Variants in ARB2A observed in about 807,000 individuals in gnomAD.
ARB2A encodes cotranscriptional regulator ARB2A.
chr5:93,703,086 T>C, the ARB2A span, among the ~76,000 whole-genome samples: 1 of 152,244 alleles, frequency 6.6e-6, no homozygotes, highest in East Asian at 1.9e-4. Flanking sequence ...AAGGTATAAC[T>C]TGCAAATGTG....
At chr5:93,875,238 CTTT>C in the ARB2A span, among the ~76,000 whole-genome samples, 1 of 146,842 alleles carries the variant, frequency 6.8e-6, no homozygotes. Context: ...TATCGGACTG[CTTT>C]TTTTTTTTGA....
chr5:93,708,787 C>G, the ARB2A span, among the ~76,000 whole-genome samples: 1 of 152,118 alleles, frequency 6.6e-6, no homozygotes, highest in South Asian at 2.1e-4. Flanking sequence ...CATAAACACA[C>G]CACACATATT....
At chr5:93,846,000 G>GACACACAC in the ARB2A span, among the ~76,000 whole-genome samples, 304 of 146,768 alleles carry the variant, frequency 2.1e-3, 2 homozygotes, top group Middle Eastern at 6.9e-3. Flanking sequence ...CTCTCTCTGT[G>GACACACAC]ACACACACAC....
the ARB2A span, among the ~76,000 whole-genome samples, chr5:93,688,566 T>C: frequency 6.6e-6 from 1 of 152,316 alleles, no homozygotes; most frequent in Admixed American, 6.5e-5. Flanking sequence ...TTCATAGTCA[T>C]TTCCTTTTCT....
At chr5:93,646,810 G>C in the ARB2A span, among the ~76,000 whole-genome samples, 1 of 151,762 alleles carries the variant, frequency 6.6e-6, no homozygotes, top group African/African-American at 2.4e-5. Context: ...AAACCCAGAA[G>C]TATTATTAAG....
the ARB2A span, among the ~76,000 whole-genome samples, chr5:93,750,664 A>G: frequency 6.6e-6 from 1 of 152,102 alleles, no homozygotes; most frequent in Non-Finnish European, 1.5e-5. Context: ...TGAGACAGGC[A>G]TGCTCCATCA....
At chr5:93,824,223 A>G in the ARB2A span, 1 of 1,592,926 alleles carries the variant, frequency 6.3e-7, no homozygotes, top group Non-Finnish European at 8.6e-7. Flanking sequence ...GAGCTATGAA[A>G]TGATCCCAAA....
the ARB2A span, among the ~76,000 whole-genome samples, chr5:93,726,363 C>A: frequency 6.6e-6 from 1 of 151,990 alleles, no homozygotes; most frequent in African/African-American, 2.4e-5. Flanking sequence ...CTGGCTCAGG[C>A]TGGCCAATCA....
the ARB2A span, among the ~76,000 whole-genome samples, chr5:93,924,168 A>T: frequency 1.3e-5 from 2 of 152,276 alleles, no homozygotes; most frequent in East Asian, 1.9e-4. Flanking sequence ...CACGATGAAA[A>T]ATTAACATGC....
the ARB2A span, among the ~76,000 whole-genome samples, chr5:93,908,085 C>G: frequency 0.012 from 1,759 of 150,994 alleles, 38 homozygotes; most frequent in African/African-American, 0.04. Flanking sequence ...AATTTAAAAC[C>G]ACTTATGTGG....
the ARB2A span, among the ~76,000 whole-genome samples, chr5:93,796,496 C>T: frequency 2.0e-5 from 3 of 152,102 alleles, no homozygotes; most frequent in Admixed American, 2.0e-4. Context: ...GAGGTTGACA[C>T]CCATCTGTAA....
At chr5:93,763,461 T>C in the ARB2A span, among the ~76,000 whole-genome samples, 1 of 152,218 alleles carries the variant, frequency 6.6e-6, no homozygotes, top group Admixed American at 6.5e-5. Context: ...GGCCATTACA[T>C]AATTGTAAAG....
chr5:93,834,093 A>G, the ARB2A span, among the ~76,000 whole-genome samples: 1 of 152,218 alleles, frequency 6.6e-6, no homozygotes, highest in African/African-American at 2.4e-5. Context: ...TACACCAAAT[A>G]TATCGTCTGA....
chr5:93,854,280 A>C, the ARB2A span, among the ~76,000 whole-genome samples: 6 of 152,164 alleles, frequency 3.9e-5, no homozygotes, highest in Admixed American at 2.6e-4. Context: ...GGTAGTTTGT[A>C]TTTCTGTGGG....
chr5:93,955,802 G>A, the ARB2A span, among the ~76,000 whole-genome samples: 1 of 152,266 alleles, frequency 6.6e-6, no homozygotes, highest in East Asian at 1.9e-4. Flanking sequence ...GTCATGGCGG[G>A]CCAGGACCCT....
At chr5:93,800,725 A>G in the ARB2A span, among the ~76,000 whole-genome samples, 1 of 152,154 alleles carries the variant, frequency 6.6e-6, no homozygotes, top group African/African-American at 2.4e-5. Context: ...AAATGGAGCA[A>G]ATCTTTATAT....
the ARB2A span, among the ~76,000 whole-genome samples, chr5:93,747,664 A>G: frequency 6.6e-6 from 1 of 152,110 alleles, no homozygotes; most frequent in Non-Finnish European, 1.5e-5. Context: ...TCTTTTGAGC[A>G]AAATACTCAT....
the ARB2A span, among the ~76,000 whole-genome samples, chr5:93,788,363 G>A: frequency 1.3e-5 from 2 of 152,140 alleles, no homozygotes; most frequent in Non-Finnish European, 2.9e-5. Context: ...GAGGGCCGGA[G>A]GCAGCAAGGC....
the ARB2A span, among the ~76,000 whole-genome samples, chr5:93,654,065 G>GCTGGAC: frequency 6.6e-6 from 1 of 152,140 alleles, no homozygotes; most frequent in Non-Finnish European, 1.5e-5. Context: ...TAGGTGTGAA[G>GCTGGAC]ATACAAAAAT....
Sources: allele counts gnomAD v4.1 joint callset (sites outside exome capture counted in the v4.1 genomes callset), GRCh38; gene constraint gnomAD v4.1.1; transcripts MANE v1.5; gene names NCBI Gene and HGNC (gene_info 2026-07-23, HGNC 2026-07-21).